Variants in SYF2 observed in about 807,000 individuals in gnomAD.
SYF2 encodes the protein pre-mRNA-splicing factor SYF2.
A neutral mutation model predicts 32.7 loss-of-function variants in SYF2; 21 were observed. The ratio of observed to expected loss-of-function variants is 0.64; its 90% CI spans 0.45 to 0.92. The LOEUF (loss-of-function observed/expected upper bound fraction) is 0.92, where lower values mean the gene tolerates loss of function less well. SYF2 is among the 40% of genes least tolerant of loss of function. The pLI, the probability that SYF2 is intolerant of heterozygous loss-of-function variation, is 0.00. For synonymous variants in SYF2, 114 were observed against 103.9 expected, an observed-to-expected ratio of 1.10 and a Z score of -0.59; for missense variants, 278 against 296.5, an observed-to-expected ratio of 0.94 and a Z score of 0.46.
chr1:25,224,928 G>T, intron 6 of SYF2, 74 bp downstream of exon 6: 1 of 1,050,738 alleles, frequency 9.5e-7, no homozygotes, highest in Non-Finnish European at 1.5e-6. Flanking sequence ...AAGCACGTCA[G>T]ATATAGGTGC....
At chr1:25,226,018 C>T (rs749203393) in intron 5 of SYF2, among the ~76,000 whole-genome samples, 1 of 151,538 alleles carries the variant, frequency 6.6e-6, no homozygotes, top group Non-Finnish European at 1.5e-5. Context: ...ATTAGCCAGG[C>T]GTGGTGGCGG....
intron 1 of SYF2, 91 bp from the exon 2 acceptor site, chr1:25,232,302 G>A: frequency 1.3e-6 from 2 of 1,581,524 alleles, no homozygotes; most frequent in Non-Finnish European, 1.7e-6. Flanking sequence ...CACAGGCTGG[G>A]CCTAGGGCCT....
chr1:25,227,560 T>C (rs543013721), intron 4 of SYF2, 28 bp from the exon 5 acceptor site: 3 of 1,599,204 alleles, frequency 1.9e-6, no homozygotes, highest in South Asian at 1.1e-5. Context: ...GAATCAGCGA[T>C]AATATATTTC....
intron 6 of SYF2, among the ~76,000 whole-genome samples, chr1:25,223,660 G>A (rs987915907): frequency 2.6e-5 from 4 of 152,132 alleles, no homozygotes; most frequent in East Asian, 1.9e-4. Context: ...ATGCTAGAGC[G>A]ATGACTCATT....
chr1:25,229,657 C>A (rs1356875683), intron 2 of SYF2, among the ~76,000 whole-genome samples: 1 of 152,064 alleles, frequency 6.6e-6, no homozygotes, highest in African/African-American at 2.4e-5. Context: ...CACCTGTAAT[C>A]CTAGCTACTC....
At position 25,223,282 on chromosome 1, in the gene SYF2, C is replaced by G. The variant is rs778392369; in HGVS notation, c.716G>C (p.Arg239Thr). The G allele has an allele frequency of 6.2e-7, 1 of 1,613,260 alleles. No individual in the cohort carries two copies. Among genetic ancestry groups the G allele is most frequent in the South Asian group, 1.1e-5 (1 of 90,992 alleles). The change falls in exon 7 of 7, where the codon AGA (arginine) becomes ACA (threonine). Residue 239 changes from arginine (R) to threonine (T), a missense_variant. Physicochemically the swap from Arg to Thr is moderately conservative, Grantham distance 71 (BLOSUM62 -1). Coordinates refer to ENST00000236273, the MANE Select transcript of SYF2 (RefSeq NM_015484.5). ...TTGAAGGGATTAGACAGCTGTTCCT[C>G]TTTCCAAATTCTGTTTAATTTCAGC... ...YTAEIKQNLERGTAV is the reference protein window; with the variant it reads ...YTAEIKQNLETGTAV
chr1:25,226,540 G>A (rs1262380284), intron 5 of SYF2, among the ~76,000 whole-genome samples: 2 of 152,182 alleles, frequency 1.3e-5, no homozygotes, highest in Non-Finnish European at 2.9e-5. Context: ...CAGCACTAAA[G>A]CATTCTGCCT....
intron 2 of SYF2, 103 bp downstream of exon 2, chr1:25,232,001 T>C: frequency 8.8e-7 from 1 of 1,133,016 alleles, no homozygotes. Context: ...GATCCTGCTC[T>C]GTTGGTCTGT....
chr1:25,226,500 T>A (rs776028225), intron 5 of SYF2, among the ~76,000 whole-genome samples: 1 of 152,250 alleles, frequency 6.6e-6, no homozygotes, highest in Non-Finnish European at 1.5e-5. Context: ...ATTTACTATC[T>A]GGTCCTTCAC....
At chr1:25,230,572 C>G (rs1255403854) in intron 2 of SYF2, 1 of 152,166 alleles carries the variant, frequency 6.6e-6, no homozygotes, top group Non-Finnish European at 1.5e-5. Flanking sequence ...ACTACCATCC[C>G]TAGTATATTC....
intron 3 of SYF2, 30 bp downstream of exon 3, chr1:25,228,968 A>C (rs1437640262): frequency 5.0e-6 from 8 of 1,602,700 alleles, no homozygotes; most frequent in Non-Finnish European, 6.8e-6. Flanking sequence ...GATTGACTAA[A>C]TCACTTATGA....
rs934052044 is a variant in SYF2 at position 25,222,655 on chromosome 1, G to C, written c.*611C>G. The stretch of plus-strand genomic sequence containing the variant: ...AACAAATGTATATATACAAATGTTT[G>C]TTTTAAATGATAGACTAAAAATGTT... On this transcript the variant is annotated 3_prime_UTR_variant, in exon 7 of 7. Coordinates refer to ENST00000236273, the MANE Select transcript of SYF2 (RefSeq NM_015484.5). 6.6e-6 allele frequency: 1 copy of C among 152,164 alleles called. No individual in the cohort carries two copies. The highest frequency in any genetic ancestry group is 2.4e-5 in the African/African-American group (1 of 41,440). 9.4% of individuals were successfully genotyped at this position (152,164 alleles called of 1,614,324 possible).
intron 6 of SYF2, among the ~76,000 whole-genome samples, chr1:25,224,565 T>A (rs912220216): frequency 1.3e-5 from 2 of 152,196 alleles, no homozygotes; most frequent in African/African-American, 4.8e-5. Flanking sequence ...GCCCAGACAC[T>A]ATTCTTAATA....
intron 3 of SYF2, 124 bp from the exon 4 acceptor site, chr1:25,228,359 TTCAC>T: frequency 4.7e-6 from 4 of 843,444 alleles, no homozygotes; most frequent in Non-Finnish European, 3.7e-6. Flanking sequence ...TAGTTGGAGT[TTCAC>T]TCACTCTGTC....
rs772944727 is a variant in SYF2, at chr1:25,228,991, TC to T, written c.258+6del. On this transcript the variant is annotated splice_donor_region_variant and intron_variant, in intron 3 of 6. Coordinates refer to ENST00000236273, the MANE Select transcript of SYF2 (RefSeq NM_015484.5). ...AAATCACTTATGAAGATAGAATAGT[TC>T]CTAACCTTTTTCTTTTCCTCTTCCT... 2.5e-6 allele frequency: 4 copies of T among 1,611,308 alleles called. No homozygotes were observed. The Admixed American group carries it at 5.1e-5, about 20-fold the overall frequency.
At chr1:25,228,304 A>G in intron 3 of SYF2, 69 bp from the exon 4 acceptor site, 1 of 1,267,508 alleles carries the variant, frequency 7.9e-7, no homozygotes, top group Non-Finnish European at 1.1e-6. Flanking sequence ...CTTTACATCA[A>G]GAAAGATCCA....
chr1:25,229,505 T>C (rs1638584219), intron 2 of SYF2, among the ~76,000 whole-genome samples: 1 of 152,188 alleles, frequency 6.6e-6, no homozygotes, highest in Non-Finnish European at 1.5e-5. Flanking sequence ...CCAGGTGCAG[T>C]GGATCACGCT....
At chr1:25,225,688 T>A (rs1638496297) in intron 5 of SYF2, among the ~76,000 whole-genome samples, 1 of 148,976 alleles carries the variant, frequency 6.7e-6, no homozygotes, top group African/African-American at 2.5e-5. Context: ...TGATACCCCA[T>A]CTCTACTAAA....
rs749137675 is a variant in SYF2, at chr1:25,232,457, A to G, written c.11T>C (p.Ile4Thr). 9.9e-6 allele frequency: 16 copies of G among 1,614,104 alleles called. No individual in the cohort carries two copies. The highest frequency in any genetic ancestry group is 1.3e-5 in the Non-Finnish European group (15 of 1,180,036). The stretch of plus-strand genomic sequence containing the variant: ...GGTGGAACTCACCTCGGATGCAGCT[A>G]TAGCCGCCATCACAACCTTTCTCTC... MAAIAASEVLVDSA... is the reference protein window; with the variant it reads MAATAASEVLVDSA... Residue 4 changes from isoleucine (I) to threonine (T), a missense_variant, in exon 1 of 7, where the codon ATA becomes ACA. Physicochemically the swap from Ile to Thr is moderately conservative, Grantham distance 89. Transcript: ENST00000236273.
Sources: allele counts gnomAD v4.1 joint callset (sites outside exome capture counted in the v4.1 genomes callset), GRCh38; gene constraint gnomAD v4.1.1; transcripts MANE v1.5; gene names NCBI Gene and HGNC (gene_info 2026-07-23, HGNC 2026-07-21).